GLIS3: variants seen among roughly 807,000 people sequenced by gnomAD.
GLIS3 encodes the protein zinc finger protein GLIS3.
GLIS3 carries 53 observed loss-of-function variants against 78.6 expected under a neutral mutation model. The observed-to-expected ratio is 0.67, with a 90% confidence interval of 0.54 to 0.85. GLIS3 has a LOEUF of 0.85. Among genes scored for constraint, GLIS3 ranks in the 40% least tolerant of loss-of-function variants. The pLI is 0.00. For missense variants in GLIS3, 1,703 were observed against 1,231.1 expected (o/e 1.38, Z -5.74); for synonymous variants, 684 against 509.9 (o/e 1.34, Z -4.60).
chr9:4,233,095 G>A (rs908399243), intron 2 of GLIS3, among the ~76,000 whole-genome samples: 3 of 152,138 alleles, frequency 2.0e-5, no homozygotes, highest in African/African-American at 4.8e-5. Flanking sequence ...TGATACCAAC[G>A]ATACAAATAC....
intron 4 of GLIS3, among the ~76,000 whole-genome samples, chr9:3,992,891 C>T (rs1379210647): frequency 1.3e-5 from 2 of 152,118 alleles, no homozygotes; most frequent in East Asian, 1.9e-4. Flanking sequence ...TCTTTAGTTT[C>T]GTTTGAGGTG....
At chr9:4,320,202 T>G (rs1304448819) in intron 2 of GLIS3, among the ~76,000 whole-genome samples, 1 of 152,168 alleles carries the variant, frequency 6.6e-6, no homozygotes, top group Non-Finnish European at 1.5e-5. Flanking sequence ...TCCCTTCCAT[T>G]CTGAATGTCT....
chr9:3,853,208 A>G (rs1027637809), intron 9 of GLIS3, among the ~76,000 whole-genome samples: 1 of 152,180 alleles, frequency 6.6e-6, no homozygotes, highest in African/African-American at 2.4e-5. Context: ...CTGTCTCTAA[A>G]AAGTAAATTG....
intron 4 of GLIS3, chr9:4,054,334 C>G (rs1308450394): frequency 1.0e-6 from 1 of 985,268 alleles, no homozygotes; most frequent in Non-Finnish European, 1.2e-6. Flanking sequence ...TCCACAAGAC[C>G]TCCACCTTTC....
chr9:3,920,341 C>T (rs1176704558), intron 6 of GLIS3, among the ~76,000 whole-genome samples: 1 of 152,066 alleles, frequency 6.6e-6, no homozygotes, highest in African/African-American at 2.4e-5. Context: ...CCCTTTCTTG[C>T]TTTTGGTGAT....
chr9:4,346,375 G>A (rs1346383145), intron 2 of GLIS3, among the ~76,000 whole-genome samples: 1 of 134,558 alleles, frequency 7.4e-6, no homozygotes. Flanking sequence ...GATGACTTTG[G>A]TGTTCTAGCC....
chr9:4,457,193 T>C, the GLIS3 span, among the ~76,000 whole-genome samples: 2 of 151,934 alleles, frequency 1.3e-5, no homozygotes, highest in Non-Finnish European at 2.9e-5. Flanking sequence ...TGAGACCCTG[T>C]CTCTATAAAA....
At chr9:3,946,878 C>A (rs1816329803) in intron 4 of GLIS3, among the ~76,000 whole-genome samples, 1 of 151,654 alleles carries the variant, frequency 6.6e-6, no homozygotes, top group African/African-American at 2.4e-5. Context: ...AGCCTCTCAT[C>A]AGAGTTTCTC....
At chr9:4,392,624 T>C in the GLIS3 span, among the ~76,000 whole-genome samples, 1 of 152,286 alleles carries the variant, frequency 6.6e-6, no homozygotes, top group East Asian at 1.9e-4. Context: ...ACTTTAATGT[T>C]TTCTTTTTTC....
At chr9:4,053,422 T>C (rs1337789551) in intron 4 of GLIS3, among the ~76,000 whole-genome samples, 6 of 152,114 alleles carry the variant, frequency 3.9e-5, no homozygotes, top group African/African-American at 1.2e-4. Context: ...GCTGACATCA[T>C]TGTTTCAATC....
At chr9:4,421,192 G>A in the GLIS3 span, among the ~76,000 whole-genome samples, 2 of 152,156 alleles carry the variant, frequency 1.3e-5, no homozygotes, top group Non-Finnish European at 2.9e-5. Flanking sequence ...ATGAAAGGCT[G>A]AAATAATCTC....
chr9:4,373,670 C>CTT, the GLIS3 span, among the ~76,000 whole-genome samples: 19 of 139,774 alleles, frequency 1.4e-4, no homozygotes, highest in African/African-American at 3.7e-4. Flanking sequence ...ATTTTCTTTT[C>CTT]TTTTTTTTTT....
At chr9:4,040,718 G>GA (rs1489130240) in intron 4 of GLIS3, among the ~76,000 whole-genome samples, 1 of 152,150 alleles carries the variant, frequency 6.6e-6, no homozygotes, top group Non-Finnish European at 1.5e-5. Context: ...GAGAAAAGGA[G>GA]AAAACACTAT....
intron 4 of GLIS3, among the ~76,000 whole-genome samples, chr9:4,043,161 C>A (rs1167875928): frequency 6.6e-6 from 1 of 152,200 alleles, no homozygotes; most frequent in African/African-American, 2.4e-5. Context: ...AATTTAACTC[C>A]TGCATTTTAA....
chr9:4,324,422 G>A (rs1817574118), intron 2 of GLIS3, among the ~76,000 whole-genome samples: 1 of 152,114 alleles, frequency 6.6e-6, no homozygotes, highest in African/African-American at 2.4e-5. Flanking sequence ...AATAACATCT[G>A]CCCTAGACAC....
chr9:4,378,815 T>C, the GLIS3 span, among the ~76,000 whole-genome samples: 2 of 152,148 alleles, frequency 1.3e-5, no homozygotes, highest in African/African-American at 2.4e-5. Context: ...TGAGCTTGTA[T>C]GGCAGAAGCA....
intron 4 of GLIS3, among the ~76,000 whole-genome samples, chr9:4,113,321 C>A (rs1256344067): frequency 1.3e-5 from 2 of 152,038 alleles, no homozygotes; most frequent in Admixed American, 6.6e-5. Flanking sequence ...TGTCTCCTTG[C>A]CACCATATAC....
At chr9:4,335,866 G>C (rs1817748271) in intron 2 of GLIS3, among the ~76,000 whole-genome samples, 1 of 152,162 alleles carries the variant, frequency 6.6e-6, no homozygotes, top group Admixed American at 6.5e-5. Context: ...TCCAGCCTTG[G>C]TGTTTGTATC....
intron 4 of GLIS3, among the ~76,000 whole-genome samples, chr9:3,983,287 G>T (rs969826780): frequency 6.6e-6 from 1 of 152,166 alleles, no homozygotes; most frequent in African/African-American, 2.4e-5. Flanking sequence ...TGCCATGATT[G>T]TGAGGTCTCC....
Sources: gnomAD v4.1 joint callset for allele counts (sites outside exome capture counted in the v4.1 genomes callset) on GRCh38, gnomAD v4.1.1 for gene constraint, MANE v1.5 for transcripts, NCBI Gene and HGNC (gene_info 2026-07-23, HGNC 2026-07-21) for gene names.